Variants in GAB2 observed in about 807,000 individuals in gnomAD.
GAB2 encodes the protein GRB2 associated binding protein 2.
In GAB2, 26 loss-of-function variants were observed where a neutral mutation model predicts 65.5. That is an observed-to-expected ratio of 0.40 (90% CI 0.29 to 0.55). The LOEUF (loss-of-function observed/expected upper bound fraction) is 0.55, where lower values mean the gene tolerates loss of function less well. GAB2 is among the 20% of genes least tolerant of loss of function. The pLI, the probability that GAB2 is intolerant of heterozygous loss-of-function variation, is 0.53. For synonymous variants in GAB2, 321 were observed against 329.6 expected (o/e 0.97, Z 0.28); for missense variants, 884 against 875.8 (o/e 1.01, Z -0.12).
At chr11:78,379,055 GCAAT>G (rs1856666741) in intron 1 of GAB2, among the ~76,000 whole-genome samples, 1 of 152,180 alleles carries the variant, frequency 6.6e-6, no homozygotes, top group South Asian at 2.1e-4. Context: ...TTTAAGAGAA[GCAAT>G]CAATAAGTGT....
At chr11:78,261,895 T>G (rs973827871) in intron 2 of GAB2, among the ~76,000 whole-genome samples, 2 of 152,230 alleles carry the variant, frequency 1.3e-5, no homozygotes, top group African/African-American at 4.8e-5. Context: ...ACATTAATGA[T>G]GCATTTGACC....
Position 78,370,392 on chromosome 11 carries a change from T to A in GAB2, c.75+47254A>T, listed in dbSNP as rs144184506. Among the ~76,000 whole-genome samples the A allele has an allele frequency of 3.6e-3, 541 of 152,334 alleles. 5 individuals are homozygous for A. Among genetic ancestry groups the A allele is most frequent in the African/African-American group, 0.012 (487 of 41,572 alleles). ...TGGTAGTATTCAAATATTACCTGATTTATGCTAAGTGAAAAATAACAAGGT... is the reference window on the plus strand; with the variant it reads ...TGGTAGTATTCAAATATTACCTGATATATGCTAAGTGAAAAATAACAAGGT... On this transcript the variant is annotated intron_variant, in intron 1 of 9. Coordinates refer to ENST00000361507, the MANE Select transcript of GAB2 (RefSeq NM_080491.3).
At chr11:78,321,566 T>A (rs988366711) in intron 1 of GAB2, among the ~76,000 whole-genome samples, 1 of 152,206 alleles carries the variant, frequency 6.6e-6, no homozygotes. Flanking sequence ...CAGTTCACAC[T>A]GCATTTCCTC....
chr11:78,257,369 A>T (rs2134538305), intron 2 of GAB2, among the ~76,000 whole-genome samples: 1 of 152,318 alleles, frequency 6.6e-6, no homozygotes, highest in South Asian at 2.1e-4. Context: ...AGAACCCATA[A>T]AGTGGTAGAC....
intron 2 of GAB2, among the ~76,000 whole-genome samples, chr11:78,251,745 T>G (rs923184846): frequency 2.0e-4 from 22 of 109,392 alleles, no homozygotes; most frequent in Admixed American, 9.9e-4. Flanking sequence ...TGGACTTGCT[T>G]CTTCTTCTGT....
intron 1 of GAB2, 133 bp from the exon 2 acceptor site, chr11:78,281,034 AT>A: frequency 1.4e-6 from 1 of 699,202 alleles, no homozygotes; most frequent in Non-Finnish European, 2.4e-6. Context: ...GCTCACTGCA[AT>A]CTTGAACTCC....
chr11:78,331,921 T>C (rs1187689633), intron 1 of GAB2, among the ~76,000 whole-genome samples: 1 of 152,010 alleles, frequency 6.6e-6, no homozygotes, highest in Admixed American at 6.5e-5. Context: ...AAGTGTCCAT[T>C]GGGAAGGGGA....
intron 1 of GAB2, among the ~76,000 whole-genome samples, chr11:78,345,150 C>T (rs773433718): frequency 6.6e-6 from 1 of 152,004 alleles, no homozygotes; most frequent in Non-Finnish European, 1.5e-5. Context: ...TGTGGTGGCA[C>T]GCACCTATAG....
intron 1 of GAB2, among the ~76,000 whole-genome samples, chr11:78,338,248 A>G (rs1856035379): frequency 1.3e-5 from 2 of 152,158 alleles, no homozygotes; most frequent in African/African-American, 4.8e-5. Context: ...TTAATTAGAG[A>G]GTCTAGGCAA....
chr11:78,357,290 T>C (rs1856372217), intron 1 of GAB2, among the ~76,000 whole-genome samples: 1 of 152,196 alleles, frequency 6.6e-6, no homozygotes, highest in Non-Finnish European at 1.5e-5. Flanking sequence ...CTGTTTCAAG[T>C]GTGGGCAATA....
chr11:78,384,039 C>T (rs539531121), intron 1 of GAB2, among the ~76,000 whole-genome samples: 5 of 152,278 alleles, frequency 3.3e-5, no homozygotes, highest in African/African-American at 1.2e-4. Context: ...AAGGGGCCTC[C>T]AGGGAAGCCA....
chr11:78,215,655 C>T lies in GAB2; in HGVS notation c.*3617G>A, dbSNP rs1864087129. 6.6e-6 allele frequency: 1 copy of T among 152,270 alleles called. No homozygotes were observed. The highest frequency in any genetic ancestry group is 6.5e-5 in the Admixed American group (1 of 15,286). 9.4% of individuals were successfully genotyped at this position (152,270 alleles called of 1,614,324 possible). Reference sequence around the variant, plus strand: ...TCAAGACACAAGTAGCCAACAAATACACAACACATGCCACCATAAATCACA... The same window carrying T: ...TCAAGACACAAGTAGCCAACAAATATACAACACATGCCACCATAAATCACA... On this transcript the variant is annotated 3_prime_UTR_variant, in exon 10 of 10. Coordinates refer to ENST00000361507, the MANE Select transcript of GAB2 (RefSeq NM_080491.3).
At chr11:78,301,806 T>C (rs897493575) in intron 1 of GAB2, among the ~76,000 whole-genome samples, 1 of 152,196 alleles carries the variant, frequency 6.6e-6, no homozygotes, top group Non-Finnish European at 1.5e-5. Flanking sequence ...TATAAGGCTA[T>C]AGTCATTAAA....
chr11:78,403,597 T>G (rs537470665), intron 1 of GAB2, among the ~76,000 whole-genome samples: 4 of 152,330 alleles, frequency 2.6e-5, no homozygotes, highest in Admixed American at 2.0e-4. Flanking sequence ...CAAAATGGAT[T>G]AAGGACTTAA....
Position 78,337,445 on chromosome 11 carries a change from A to T in GAB2, c.76-56544T>A, listed in dbSNP as rs541394868. On this transcript the variant is annotated intron_variant, in intron 1 of 9. Coordinates refer to ENST00000361507, the MANE Select transcript of GAB2 (RefSeq NM_080491.3). Reference sequence around the variant, plus strand: ...AATTCCCCACAGTGATGTCACAGACAAGACTTAGTTAAGGAGGGGCTAGAA... The same window carrying T: ...AATTCCCCACAGTGATGTCACAGACTAGACTTAGTTAAGGAGGGGCTAGAA... Among the ~76,000 whole-genome samples the T allele has an allele frequency of 2.0e-5, 3 of 152,366 alleles. No individual in the cohort carries two copies. The East Asian group carries it at 5.8e-4, about 29-fold the overall frequency.
chr11:78,293,841 A>G (rs1299719568), intron 1 of GAB2, among the ~76,000 whole-genome samples: 1 of 152,242 alleles, frequency 6.6e-6, no homozygotes, highest in African/African-American at 2.4e-5. Flanking sequence ...GAAAAAGAGT[A>G]CGTGTGAGAG....
rs756953639 is a variant in GAB2, at chr11:78,215,474, A to AAATT, written c.*3794_*3797dup. ...TTTAAAAAAAAGAATACAACAGAAT[A>AAATT]AATTAATAACTTAAGTGATTAGGCA... On this transcript the variant is annotated 3_prime_UTR_variant, in exon 10 of 10. Transcript: ENST00000361507. 2 of 152,720 alleles carry AAATT rather than the reference A, an allele frequency of 1.3e-5. No homozygotes were observed. The highest frequency in any genetic ancestry group is 4.8e-5 in the African/African-American group (2 of 41,476). The allele number at this position is 152,720 out of a possible 1,614,324, so 9.5% of individuals were successfully genotyped here. A position where few individuals can be genotyped will look rare whatever the true frequency, so the allele number is the denominator to read the frequency against.
chr11:78,243,725 T>A (rs1156319576), intron 3 of GAB2, among the ~76,000 whole-genome samples: 1 of 151,674 alleles, frequency 6.6e-6, no homozygotes, highest in Non-Finnish European at 1.5e-5. Flanking sequence ...GTGCCTGTAG[T>A]CCCAGCTACT....
chr11:78,246,349 A>G (rs1865297486), intron 3 of GAB2, among the ~76,000 whole-genome samples: 3 of 152,050 alleles, frequency 2.0e-5, no homozygotes, highest in Admixed American at 1.3e-4. Context: ...GGTTATTTTG[A>G]GGTTTGTACC....
Sources: allele counts gnomAD v4.1 joint callset (sites outside exome capture counted in the v4.1 genomes callset), GRCh38; gene constraint gnomAD v4.1.1; transcripts MANE v1.5; gene names NCBI Gene and HGNC (gene_info 2026-07-23, HGNC 2026-07-21).